Variants in WWC2 observed in about 807,000 individuals in gnomAD.
WWC2 encodes WW and C2 domain containing 2.
A neutral mutation model predicts 138.5 loss-of-function variants in WWC2; 101 were observed. That is an observed-to-expected ratio of 0.73 (90% CI 0.62 to 0.86). The LOEUF is 0.86. Ranked by LOEUF, WWC2 falls within the 40% of genes least tolerant of loss-of-function variation. The pLI, the probability that WWC2 is intolerant of heterozygous loss-of-function variation, is 0.00. For synonymous variants in WWC2, 558 were observed against 538.4 expected, an observed-to-expected ratio of 1.04 and a Z score of -0.50; for missense variants, 1,420 against 1,419.4, an observed-to-expected ratio of 1.00 and a Z score of -0.01.
intron 1 of WWC2, among the ~76,000 whole-genome samples, chr4:183,152,737 G>A (rs1227837996): frequency 1.3e-5 from 2 of 151,546 alleles, no homozygotes; most frequent in African/African-American, 4.8e-5. Context: ...CAAAAAATTA[G>A]CCAGGTGTGG....
chr4:183,216,788 A>G (rs1268577909), intron 4 of WWC2, among the ~76,000 whole-genome samples: 1 of 151,042 alleles, frequency 6.6e-6, no homozygotes, highest in African/African-American at 2.5e-5. Flanking sequence ...AGGGAGCTAC[A>G]GAGATAGAAG....
intron 7 of WWC2, among the ~76,000 whole-genome samples, chr4:183,249,521 A>G (rs1268799866): frequency 1.3e-5 from 2 of 152,172 alleles, no homozygotes; most frequent in East Asian, 3.8e-4. Flanking sequence ...TTTAGTTTAT[A>G]TTTTGTACAG....
At chr4:183,252,930 C>T (rs991207789) in intron 8 of WWC2, among the ~76,000 whole-genome samples, 1 of 152,124 alleles carries the variant, frequency 6.6e-6, no homozygotes, top group African/African-American at 2.4e-5. Flanking sequence ...AGTGCAGTGG[C>T]GCAGTTATGG....
chr4:183,297,777 A>G (rs556631114), intron 21 of WWC2, among the ~76,000 whole-genome samples: 1 of 152,362 alleles, frequency 6.6e-6, no homozygotes, highest in South Asian at 2.1e-4. Context: ...AAGAGAGACA[A>G]GGGAGGAGAT....
At chr4:183,134,093 C>T (rs1733033779) in intron 1 of WWC2, among the ~76,000 whole-genome samples, 1 of 152,058 alleles carries the variant, frequency 6.6e-6, no homozygotes, top group African/African-American at 2.4e-5. Context: ...CATAAAGTAA[C>T]TCATAATAAA....
At chr4:183,166,686 A>G (rs1325100423) in intron 1 of WWC2, among the ~76,000 whole-genome samples, 1 of 152,216 alleles carries the variant, frequency 6.6e-6, no homozygotes. Context: ...AATGTGTGTT[A>G]TTCTGTGTAC....
chr4:183,178,876 A>T (rs987615974), intron 1 of WWC2, among the ~76,000 whole-genome samples: 4 of 152,326 alleles, frequency 2.6e-5, no homozygotes, highest in African/African-American at 9.6e-5. Context: ...CCTGAGGTTA[A>T]CTTTATGAAT....
intron 1 of WWC2, among the ~76,000 whole-genome samples, chr4:183,128,701 G>A (rs907483271): frequency 6.6e-6 from 1 of 152,144 alleles, no homozygotes; most frequent in Non-Finnish European, 1.5e-5. Context: ...CAGGGCCAGC[G>A]CAATGCTTGA....
Position 183,188,617 on chromosome 4 carries a change from G to A in WWC2, c.132-4982G>A, listed in dbSNP as rs372612823. The stretch of plus-strand genomic sequence containing the variant: ...TGATCTCTCTCTCTCTATCTAATAT[G>A]ATCTCTCTCTCTCTCTTGCTCCTTT... On this transcript the variant is annotated intron_variant, in intron 1 of 22. Transcript: ENST00000403733. Among the ~76,000 whole-genome samples, 64 of 144,752 alleles carry A rather than the reference G, an allele frequency of 4.4e-4. 1 individual carries two copies. The East Asian group carries it at 8.8e-3, about 20-fold the overall frequency. 95.0% of individuals were successfully genotyped at this position (144,752 alleles called of 152,430 possible).
intron 1 of WWC2, among the ~76,000 whole-genome samples, chr4:183,145,265 G>T (rs1733420834): frequency 6.6e-6 from 1 of 152,098 alleles, no homozygotes; most frequent in South Asian, 2.1e-4. Context: ...CATAGTAAGT[G>T]AATATAAATG....
intron 14 of WWC2, among the ~76,000 whole-genome samples, chr4:183,268,528 T>C (rs1580129673): frequency 6.6e-6 from 1 of 152,134 alleles, no homozygotes; most frequent in Admixed American, 6.6e-5. Context: ...TCCTGGGAGG[T>C]GATCATCAGC....
intron 5 of WWC2, among the ~76,000 whole-genome samples, chr4:183,242,150 A>G (rs565532554): frequency 6.6e-6 from 1 of 152,290 alleles, no homozygotes; most frequent in African/African-American, 2.4e-5. Context: ...CTATAGACAA[A>G]ATAAAGCTGT....
chr4:183,243,737 C>CTATG (rs1222143717), intron 5 of WWC2, among the ~76,000 whole-genome samples: 1 of 129,920 alleles, frequency 7.7e-6, no homozygotes, highest in Admixed American at 7.7e-5. Flanking sequence ...ATTCTAAACA[C>CTATG]TGTGTGTGTG....
chr4:183,172,251 T>C (rs181752303), intron 1 of WWC2, among the ~76,000 whole-genome samples: 9 of 152,228 alleles, frequency 5.9e-5, no homozygotes, highest in Non-Finnish European at 2.9e-5. Context: ...CTCCATTTAC[T>C]GTCATCTTGT....
intron 1 of WWC2, among the ~76,000 whole-genome samples, chr4:183,182,072 G>T (rs1237444176): frequency 1.3e-5 from 2 of 152,114 alleles, no homozygotes; most frequent in Non-Finnish European, 2.9e-5. Flanking sequence ...ACATAGCCTA[G>T]AGTGAAACAC....
At chr4:183,262,262 G>A (rs182423251) in intron 11 of WWC2, among the ~76,000 whole-genome samples, 2 of 152,328 alleles carry the variant, frequency 1.3e-5, no homozygotes, top group African/African-American at 4.8e-5. Context: ...CTTGTTGGCA[G>A]ATGATCACTG....
intron 1 of WWC2, among the ~76,000 whole-genome samples, chr4:183,134,014 A>T (rs571215750): frequency 6.6e-6 from 1 of 151,912 alleles, no homozygotes; most frequent in African/African-American, 2.4e-5. Flanking sequence ...TTTCTTCTTG[A>T]TTCTGTTTTT....
intron 21 of WWC2, among the ~76,000 whole-genome samples, chr4:183,290,016 G>A (rs1411429987): frequency 6.6e-6 from 1 of 151,976 alleles, no homozygotes; most frequent in Non-Finnish European, 1.5e-5. Context: ...GCATAAGTGG[G>A]ACATTTTGTT....
intron 5 of WWC2, among the ~76,000 whole-genome samples, chr4:183,244,417 A>G (rs1736710231): frequency 6.6e-6 from 1 of 152,210 alleles, no homozygotes; most frequent in Admixed American, 6.5e-5. Context: ...GCAGCTCTGC[A>G]GGGATAATAA....
Sources: allele counts gnomAD v4.1 joint callset (sites outside exome capture counted in the v4.1 genomes callset), GRCh38; gene constraint gnomAD v4.1.1; transcripts MANE v1.5; gene names NCBI Gene and HGNC (gene_info 2026-07-23, HGNC 2026-07-21).